The following CLIC6 variants were observed in gnomAD, a reference collection of about 807,000 sequenced individuals.
CLIC6 encodes CLIC family member 6.
Under a neutral mutation model 49.2 loss-of-function variants are expected in CLIC6, and 39 were observed. That is an observed-to-expected ratio of 0.79 (90% CI 0.61 to 1.04). CLIC6 has a LOEUF of 1.04. Ranked by LOEUF, CLIC6 falls within the 50% of genes least tolerant of loss-of-function variation. The pLI is 0.00. For missense variants in CLIC6, 988 were observed against 993.1 expected, an observed-to-expected ratio of 0.99 and a Z score of 0.07; for synonymous variants, 446 against 433.4, an observed-to-expected ratio of 1.03 and a Z score of -0.36.
chr21:34,669,616 G>T lies in CLIC6; in HGVS notation c.228G>T (p.Thr76=). 1 of 1,277,820 alleles carries T rather than the reference G, an allele frequency of 7.8e-7. No homozygotes were observed. Among genetic ancestry groups the T allele is most frequent in the Non-Finnish European group, 9.9e-7 (1 of 1,015,204 alleles). The allele number at this position is 1,277,820 out of a possible 1,614,324, so 79.2% of individuals were successfully genotyped here. The change falls in exon 1 of 6, where the codon ACG becomes ACT. Residue 76 remains threonine, a synonymous_variant. Transcript: ENST00000349499. ...GCCCGGAGGCCGAGGCGCGGGGCAC[G>T]AGGGGGGCGCACGGCGAGACTGAGG... ...DRGPEAEARG[T]RGAHGETEAE...
chr21:34,697,870 C>T (rs1990115187), intron 1 of CLIC6, among the ~76,000 whole-genome samples: 1 of 152,172 alleles, frequency 6.6e-6, no homozygotes, highest in Non-Finnish European at 1.5e-5. Context: ...TTTGCTGTCT[C>T]TGGCTGCCTG....
At chr21:34,703,733 T>C (rs2145815506) in intron 1 of CLIC6, among the ~76,000 whole-genome samples, 1 of 152,076 alleles carries the variant, frequency 6.6e-6, no homozygotes, top group East Asian at 1.9e-4. Context: ...CGGACCTTGG[T>C]GGGGAGCCCT....
chr21:34,670,142 G>T lies in CLIC6; in HGVS notation c.754G>T (p.Ala252Ser). The change falls in exon 1 of 6, where the codon GCG becomes TCG. Residue 252 changes from alanine (A) to serine (S), a missense_variant. Ala to Ser is a moderately conservative substitution (Grantham distance 99). Transcript: ENST00000349499. ...GGGCCGGGTGGGGGACAGCGTAGAGGCGGGGGACCCGGCGGGGGACGGCGT... is the reference window on the plus strand; with the variant it reads ...GGGCCGGGTGGGGGACAGCGTAGAGTCGGGGGACCCGGCGGGGGACGGCGT... ...AEGRVGDSVE[A>S]GDPAGDGVEA... 1.4e-6 allele frequency: 2 copies of T among 1,393,664 alleles called. No homozygotes were observed. The highest frequency in any genetic ancestry group is 1.8e-6 in the Non-Finnish European group (2 of 1,081,470). The allele number at this position is 1,393,664 out of a possible 1,614,324, so 86.3% of individuals were successfully genotyped here. A position where few individuals can be genotyped will look rare whatever the true frequency, so the allele number is the denominator to read the frequency against.
chr21:34,710,610 G>C (rs747782183), intron 5 of CLIC6, among the ~76,000 whole-genome samples: 1 of 152,064 alleles, frequency 6.6e-6, no homozygotes, highest in Non-Finnish European at 1.5e-5. Flanking sequence ...TCAGGAGATC[G>C]AGACCATCCT....
chr21:34,699,415 C>CTTTTTT (rs10604054), intron 1 of CLIC6, among the ~76,000 whole-genome samples: 3 of 134,840 alleles, frequency 2.2e-5, no homozygotes, highest in Non-Finnish European at 3.2e-5. Flanking sequence ...CCATACCTGG[C>CTTTTTT]TTTTTTTTTT....
Position 34,716,831 on chromosome 21 carries a change from T to TTCTCTC in CLIC6, c.*373_*378dup, listed in dbSNP as rs142197835. The TTCTCTC allele has an allele frequency of 0.025, 3,288 of 133,802 alleles. 109 individuals carry two copies. The highest frequency in any genetic ancestry group is 0.06 in the African/African-American group (1,917 of 31,876). The allele number at this position is 133,802 out of a possible 1,614,324, so 8.3% of individuals were successfully genotyped here. A position where few individuals can be genotyped will look rare whatever the true frequency, so the allele number is the denominator to read the frequency against. ...CATGTTCCAAATCTTCAGTATCTTG[T>TTCTCTC]TCTCTCTCTCTCTCTCTCTCTCTCT... On this transcript the variant is annotated 3_prime_UTR_variant, in exon 6 of 6. Transcript: ENST00000349499.
chr21:34,670,624 GCTCAGCAACCACCTGGC>G lies in CLIC6; in HGVS notation c.1238_1254del (p.Leu413ArgfsTer8). The G allele has an allele frequency of 3.9e-6, 6 of 1,550,508 alleles. No homozygotes were observed. Among genetic ancestry groups the G allele is most frequent in the Non-Finnish European group, 5.2e-6 (6 of 1,149,214 alleles). On this transcript the variant is annotated frameshift_variant, in exon 1 of 6. Coordinates refer to ENST00000349499, the MANE Select transcript of CLIC6 (RefSeq NM_053277.3). LOFTEE classifies it high-confidence loss of function. ...GGGGCGCCGCGGAGCCTGAGGCCCA[GCTCAGCAACCACCTGGC>G]CGAGGAGGGCCCCGCCGAGGGTAGC...
chr21:34,669,544 G>A lies in CLIC6; in HGVS notation c.156G>A (p.Arg52=). 2.4e-6 allele frequency: 3 copies of A among 1,245,328 alleles called. No homozygotes were observed. The highest frequency in any genetic ancestry group is 3.1e-4 in the Middle Eastern group (1 of 3,258). The allele number at this position is 1,245,328 out of a possible 1,614,324, so 77.1% of individuals were successfully genotyped here. Reference sequence around the variant, plus strand: ...GCGAGGGCGCAGAGGAGGCGCCGAGGGGCGCCGCCGCTGTGAAGGAGGCAG... The same window carrying A: ...GCGAGGGCGCAGAGGAGGCGCCGAGAGGCGCCGCCGCTGTGAAGGAGGCAG... ...EGSEGAEEAP[R]GAAAVKEAGG... is the part of the protein sequence containing the mutation. The change falls in exon 1 of 6, where the codon AGG becomes AGA. Residue 52 remains arginine, a synonymous_variant. Coordinates refer to ENST00000349499, the MANE Select transcript of CLIC6 (RefSeq NM_053277.3).
chr21:34,685,521 CTT>C (rs781321945), intron 1 of CLIC6, among the ~76,000 whole-genome samples: 11 of 152,272 alleles, frequency 7.2e-5, no homozygotes, highest in African/African-American at 9.6e-5. Flanking sequence ...CTTGGAAAGA[CTT>C]AACTCTCTCC....
chr21:34,699,704 G>T (rs1990153137), intron 1 of CLIC6, among the ~76,000 whole-genome samples: 1 of 152,138 alleles, frequency 6.6e-6, no homozygotes, highest in South Asian at 2.1e-4. Context: ...AATACTAGAG[G>T]TTCGTTGCCT....
Position 34,710,817 on chromosome 21 carries a change from A to T in CLIC6, c.1899+1279A>T, listed in dbSNP as rs139151018. Among the ~76,000 whole-genome samples the T allele has an allele frequency of 3.1e-3, 467 of 152,156 alleles. 6 individuals carry two copies. The highest frequency in any genetic ancestry group is 0.011 in the African/African-American group (454 of 41,450). The stretch of plus-strand genomic sequence containing the variant: ...GACAGAGCAAGACTCCGTCTCAGAA[A>T]AAAAACAAAAAACAAACAAACAAAA... On this transcript the variant is annotated intron_variant, in intron 5 of 5. Transcript: ENST00000349499.
At position 34,696,178 on chromosome 21, in the gene CLIC6, ACC is replaced by A. The variant is rs57155188; in HGVS notation, c.1375-11095_1375-11094del. ...ACAGAATATGCACACATGACTAGAG[ACC>A]CCCCCCATCCCTGGCCTACCTGGCC... On this transcript the variant is annotated intron_variant, in intron 1 of 5. Coordinates refer to ENST00000349499, the MANE Select transcript of CLIC6 (RefSeq NM_053277.3). 1.5e-3 allele frequency among the ~76,000 whole-genome samples: 220 copies of A among 149,560 alleles called. 1 individual carries two copies. Among genetic ancestry groups the A allele is most frequent in the African/African-American group, 5.0e-3 (202 of 40,280 alleles).
chr21:34,710,172 G>A (rs751767466), intron 5 of CLIC6, among the ~76,000 whole-genome samples: 28 of 152,150 alleles, frequency 1.8e-4, no homozygotes, highest in Non-Finnish European at 3.1e-4. Context: ...CAGCCACATG[G>A]GAGGCTGAAG....
chr21:34,696,559 T>A (rs74723100), intron 1 of CLIC6, among the ~76,000 whole-genome samples: 9,883 of 152,254 alleles, frequency 0.065, 454 homozygotes, highest in Non-Finnish European at 0.093. Flanking sequence ...TGGACAAGTT[T>A]CTCTACCTCT....
rs1483584169 is a variant in CLIC6 at position 34,700,685 on chromosome 21, C to A, written c.1375-6595C>A. ...CCCATTCCTTGGAATTCCCTCTCTT[C>A]GAGGGGGTGGTAGGAAAAGTCAGCC... On this transcript the variant is annotated intron_variant, in intron 1 of 5. Coordinates refer to ENST00000349499, the MANE Select transcript of CLIC6 (RefSeq NM_053277.3). Among the ~76,000 whole-genome samples the A allele has an allele frequency of 1.4e-5, 2 of 139,940 alleles. 1 individual carries two copies. Among genetic ancestry groups the A allele is most frequent in the Non-Finnish European group, 3.1e-5 (2 of 64,644 alleles). The allele number at this position is 139,940 out of a possible 152,430, so 91.8% of individuals were successfully genotyped here.
chr21:34,697,725 T>C lies in CLIC6; in HGVS notation c.1375-9555T>C, dbSNP rs1473632315. 6.6e-5 allele frequency among the ~76,000 whole-genome samples: 10 copies of C among 152,240 alleles called. No individual in the cohort carries two copies. In the South Asian group the frequency reaches 1.7e-3, roughly 25 times the overall value. ...ACAGTCCTGGGCAAACCAGGGTGAG[T>C]TGGTCACGCAGTGATTGTCATTTTG... On this transcript the variant is annotated intron_variant, in intron 1 of 5. Coordinates refer to ENST00000349499, the MANE Select transcript of CLIC6 (RefSeq NM_053277.3).
Position 34,669,299 on chromosome 21 carries a change from AG to A in CLIC6, c.-87del, listed in dbSNP as rs1272889770. ...AGCCGGCGTCCTTCAAGGAGCACAG[AG>A]GGCCCCGTAGCACGCCCCTTGCCCA... On this transcript the variant is annotated 5_prime_UTR_variant, in exon 1 of 6. Transcript: ENST00000349499. 5.6e-6 allele frequency: 6 copies of A among 1,068,330 alleles called. No individual in the cohort carries two copies. In the African/African-American group the frequency reaches 8.2e-5, roughly 15 times the overall value. The allele number at this position is 1,068,330 out of a possible 1,614,324, so 66.2% of individuals were successfully genotyped here. A position where few individuals can be genotyped will look rare whatever the true frequency, so the allele number is the denominator to read the frequency against.
Position 34,670,080 on chromosome 21 carries a change from ACGCGGAAGGTCC to A in CLIC6, c.693_704del (p.Asp231_Pro235delinsGlu), listed in dbSNP as rs1288162881. ...GAGGGCCGGGTGGGGGACAGCGTAGACGCGGAAGGTCCGGCGGGGGACAGCGTAGACGCGGAG... is the reference window on the plus strand; with the variant it reads ...GAGGGCCGGGTGGGGGACAGCGTAGAGGCGGGGGACAGCGTAGACGCGGAG... On this transcript the variant is annotated inframe_deletion, in exon 1 of 6. Transcript: ENST00000349499. The A allele has an allele frequency of 3.9e-5, 45 of 1,158,350 alleles. No individual in the cohort carries two copies. In the African/African-American group the frequency reaches 7.3e-4, roughly 19 times the overall value. The allele number at this position is 1,158,350 out of a possible 1,614,324, so 71.8% of individuals were successfully genotyped here.
Position 34,716,490 on chromosome 21 carries a change from C to T in CLIC6, c.*8C>T, listed in dbSNP as rs2056086264. Reference sequence around the variant, plus strand: ...GCAAAAAGAATGAAATGAAGCTGGGCTGTTTTCTGTCTTATTTCTCAGTTG... The same window carrying T: ...GCAAAAAGAATGAAATGAAGCTGGGTTGTTTTCTGTCTTATTTCTCAGTTG... On this transcript the variant is annotated 3_prime_UTR_variant, in exon 6 of 6. Coordinates refer to ENST00000349499, the MANE Select transcript of CLIC6 (RefSeq NM_053277.3). 1 of 1,601,054 alleles carries T rather than the reference C, an allele frequency of 6.2e-7. No homozygotes were observed. Among genetic ancestry groups the T allele is most frequent in the East Asian group, 2.3e-5 (1 of 44,352 alleles).
Sources: allele counts gnomAD v4.1 joint callset (sites outside exome capture counted in the v4.1 genomes callset), GRCh38; gene constraint gnomAD v4.1.1; transcripts MANE v1.5; gene names NCBI Gene and HGNC (gene_info 2026-07-23, HGNC 2026-07-21).